The following NUDT19 variants were observed in gnomAD, a reference collection of about 807,000 sequenced individuals.
NUDT19 encodes acyl-coenzyme A diphosphatase NUDT19.
Under a neutral mutation model 22.2 loss-of-function variants are expected in NUDT19, and 31 were observed. That is an observed-to-expected ratio of 1.40 (90% CI 1.05 to 1.89). The LOEUF (loss-of-function observed/expected upper bound fraction) is 1.89, where lower values mean the gene tolerates loss of function less well. Ranked by LOEUF, NUDT19 falls within the 40% of genes most tolerant of loss-of-function variation. NUDT19 has a pLI of 0.00. For missense variants in NUDT19, 752 were observed against 514.2 expected, an observed-to-expected ratio of 1.46 and a Z score of -4.47; for synonymous variants, 325 against 230.8, an observed-to-expected ratio of 1.41 and a Z score of -3.70.
chr19:32,692,737 C>G, intron 1 of NUDT19, 63 bp downstream of exon 1: 3 of 1,286,048 alleles, frequency 2.3e-6, no homozygotes, highest in Non-Finnish European at 3.1e-6. Context: ...CCCCTCCCAG[C>G]GGCCCAGGCC....
chr19:32,706,253 C>T (rs1350707796), intron 1 of NUDT19, among the ~76,000 whole-genome samples: 1 of 152,182 alleles, frequency 6.6e-6, no homozygotes, highest in African/African-American at 2.4e-5. Context: ...ACAGCTTTAT[C>T]CCTGGTTTCT....
At chr19:32,700,184 T>C (rs1968319383) in intron 1 of NUDT19, among the ~76,000 whole-genome samples, 1 of 152,232 alleles carries the variant, frequency 6.6e-6, no homozygotes, top group African/African-American at 2.4e-5. Flanking sequence ...ATTCCCTTAT[T>C]TGGCCCTGCC....
Position 32,692,386 on chromosome 19 carries a change from G to T in NUDT19, c.426G>T (p.Arg142=). ...AGGAGGCGGGCGTGCTGCTGCTGCG[G>T]CCCAGGACTTCCCCACCAGGCCCAG... is the stretch of plus-strand genomic sequence containing the variant. ...AFEEAGVLLL[R]PRTSPPGPAP... Residue 142 remains arginine, a synonymous_variant, in exon 1 of 3, where the codon CGG becomes CGT. Transcript: ENST00000397061. The T allele has an allele frequency of 6.3e-7, 1 of 1,582,722 alleles. No individual in the cohort carries two copies. Among genetic ancestry groups the T allele is most frequent in the Non-Finnish European group, 8.5e-7 (1 of 1,172,562 alleles).
chr19:32,693,427 C>A (rs35292171), intron 1 of NUDT19, among the ~76,000 whole-genome samples: 6,001 of 152,204 alleles, frequency 0.039, 163 homozygotes, highest in Middle Eastern at 0.085. Context: ...AGTGTTACAG[C>A]TTATAAAGGT....
chr19:32,692,239 G>T lies in NUDT19; in HGVS notation c.279G>T (p.Pro93=). The T allele has an allele frequency of 6.3e-7, 1 of 1,589,926 alleles. No homozygotes were observed. ...HHGPPRFGLG[P]APFSRTAFPS... The stretch of plus-strand genomic sequence containing the variant: ...GGCCGCCGCGCTTCGGCCTGGGCCC[G>T]GCGCCATTCAGCCGCACCGCTTTCC... Residue 93 remains proline, a synonymous_variant, in exon 1 of 3, where the codon CCG becomes CCT. Coordinates refer to ENST00000397061, the MANE Select transcript of NUDT19 (RefSeq NM_001105570.2).
At chr19:32,711,682 T>G in intron 2 of NUDT19, 70 bp from the exon 3 acceptor site, 2 of 869,542 alleles carry the variant, frequency 2.3e-6, no homozygotes, top group Non-Finnish European at 3.6e-6. Flanking sequence ...GAATTAAAAT[T>G]TTATACTTTC....
At chr19:32,706,255 C>G (rs973849104) in intron 1 of NUDT19, among the ~76,000 whole-genome samples, 1 of 152,192 alleles carries the variant, frequency 6.6e-6, no homozygotes, top group African/African-American at 2.4e-5. Context: ...AGCTTTATCC[C>G]TGGTTTCTCT....
chr19:32,693,137 C>T (rs1049333375), intron 1 of NUDT19, among the ~76,000 whole-genome samples: 2 of 152,172 alleles, frequency 1.3e-5, no homozygotes, highest in Admixed American at 6.5e-5. Context: ...CCAGTGGGTT[C>T]TTGGTCTCGC....
At chr19:32,711,607 T>G (rs1232141052) in intron 2 of NUDT19, 145 bp from the exon 3 acceptor site, 1 of 610,584 alleles carries the variant, frequency 1.6e-6, no homozygotes, top group Non-Finnish European at 2.9e-6. Context: ...ACATATGAAA[T>G]AGATAAAAAT....
intron 2 of NUDT19, among the ~76,000 whole-genome samples, chr19:32,711,041 T>C (rs1044437861): frequency 6.6e-6 from 1 of 152,116 alleles, no homozygotes; most frequent in Admixed American, 6.6e-5. Flanking sequence ...TTAATATCAG[T>C]ATTGAATAGA....
intron 2 of NUDT19, among the ~76,000 whole-genome samples, chr19:32,710,722 C>T (rs895048501): frequency 3.3e-5 from 5 of 151,474 alleles, no homozygotes; most frequent in African/African-American, 1.2e-4. Flanking sequence ...GGAGAAATCC[C>T]GTCTCTACTA....
intron 1 of NUDT19, among the ~76,000 whole-genome samples, chr19:32,696,795 A>G (rs1968268992): frequency 1.3e-5 from 2 of 152,206 alleles, no homozygotes; most frequent in Admixed American, 1.3e-4. Flanking sequence ...CAGCTCCAAG[A>G]CAGGAAATTA....
At position 32,700,227 on chromosome 19, in the gene NUDT19, G is replaced by A. The variant is rs538108511; in HGVS notation, c.714+7553G>A. Among the ~76,000 whole-genome samples, 33 of 152,274 alleles carry A rather than the reference G, an allele frequency of 2.2e-4. 1 individual carries two copies. The highest frequency in any genetic ancestry group is 1.7e-3 in the South Asian group (8 of 4,818). On this transcript the variant is annotated intron_variant, in intron 1 of 2. Transcript: ENST00000397061. ...TGCTGATTGGTCCATTTTACAGAGC[G>A]CTGATTGGTCCATTTTACAGAGTGC...
chr19:32,692,204 C>T lies in NUDT19; in HGVS notation c.244C>T (p.Pro82Ser). 16 of 1,578,206 alleles carry T rather than the reference C, an allele frequency of 1.0e-5. No individual in the cohort carries two copies. The highest frequency in any genetic ancestry group is 1.3e-5 in the Non-Finnish European group (15 of 1,171,504). Residue 82 changes from proline to serine, a missense_variant, in exon 1 of 3, where the codon CCG becomes TCG. By Grantham distance (74) the Pro-to-Ser change is moderately conservative (BLOSUM62 -1). Transcript: ENST00000397061. ...RSADWLGLFAPHHGPPRFGLG... is the reference protein window; with the variant it reads ...RSADWLGLFASHHGPPRFGLG... The stretch of plus-strand genomic sequence containing the variant: ...GGCGGACTGGCTGGGCCTCTTCGCG[C>T]CGCACCACGGGCCGCCGCGCTTCGG...
At chr19:32,700,645 G>A (rs1279608661) in intron 1 of NUDT19, among the ~76,000 whole-genome samples, 1 of 152,148 alleles carries the variant, frequency 6.6e-6, no homozygotes. Flanking sequence ...GCTCAGGGAG[G>A]TCTTGAACTC....
At chr19:32,705,782 A>C (rs1968381445) in intron 1 of NUDT19, among the ~76,000 whole-genome samples, 1 of 151,924 alleles carries the variant, frequency 6.6e-6, no homozygotes, top group Non-Finnish European at 1.5e-5. Context: ...TCCGAGTTTC[A>C]CCATGTTGGC....
intron 2 of NUDT19, among the ~76,000 whole-genome samples, chr19:32,709,622 T>C (rs1020118375): frequency 1.3e-5 from 2 of 152,132 alleles, no homozygotes; most frequent in Admixed American, 1.3e-4. Flanking sequence ...TTCCTAGACA[T>C]TGACAAAGGT....
Position 32,709,406 on chromosome 19 carries a change from G to T in NUDT19, c.922+14G>T. ...ATCTTTTACCAGGTAAACCAGTGAA[G>T]CATCGGTGCTTTTGTTAGTATTCAC... On this transcript the variant is annotated intron_variant, in intron 2 of 2. Transcript: ENST00000397061. The T allele has an allele frequency of 6.2e-7, 1 of 1,609,306 alleles. No homozygotes were observed. Among genetic ancestry groups the T allele is most frequent in the Non-Finnish European group, 8.5e-7 (1 of 1,175,646 alleles).
intron 1 of NUDT19, 102 bp from the exon 2 acceptor site, chr19:32,709,083 A>G: frequency 1.3e-6 from 1 of 796,916 alleles, no homozygotes; most frequent in South Asian, 1.4e-5. Flanking sequence ...TAATGAATTC[A>G]TTTTACACAT....
Sources: allele counts gnomAD v4.1 joint callset (sites outside exome capture counted in the v4.1 genomes callset), GRCh38; gene constraint gnomAD v4.1.1; transcripts MANE v1.5; gene names NCBI Gene and HGNC (gene_info 2026-07-23, HGNC 2026-07-21).